Variants in SMYD3 observed in about 807,000 individuals in gnomAD.
The protein encoded by SMYD3 is SET and MYND domain containing 3, also known as histone-lysine N-methyltransferase SMYD3.
Under a neutral mutation model 57.7 loss-of-function variants are expected in SMYD3, and 36 were observed. The ratio of observed to expected loss-of-function variants is 0.62; its 90% confidence interval spans 0.48 to 0.82. The LOEUF (loss-of-function observed/expected upper bound fraction) is 0.82. Among genes scored for constraint, SMYD3 ranks in the 40% least tolerant of loss-of-function variants. SMYD3 has a pLI of 0.00. For synonymous variants in SMYD3, 211 were observed against 195.0 expected (o/e 1.08, Z -0.68); for missense variants, 515 against 538.8 (o/e 0.96, Z 0.44).
rs572069957 is a variant in SMYD3, at chr1:245,891,500, T to C, written c.813+24030A>G. Among the ~76,000 whole-genome samples the C allele has an allele frequency of 4.6e-5, 7 of 152,288 alleles. No homozygotes were observed. In the East Asian group the frequency reaches 1.4e-3, roughly 29 times the overall value. On this transcript the variant is annotated intron_variant, in intron 8 of 11. Coordinates refer to ENST00000490107, the MANE Select transcript of SMYD3 (RefSeq NM_001167740.2). ...CAGGAATCTGGGGGGAGGGGAGCAA[T>C]GACCTGGATGTGACTCTGTGCAGTG...
At chr1:245,953,356 C>A (rs1171408714) in intron 5 of SMYD3, 1 of 985,626 alleles carries the variant, frequency 1.0e-6, no homozygotes, top group Non-Finnish European at 1.2e-6. Context: ...GGATGTAACT[C>A]TGAAAAAAAT....
At chr1:246,272,939 T>C (rs1443902271) in intron 5 of SMYD3, among the ~76,000 whole-genome samples, 4 of 152,178 alleles carry the variant, frequency 2.6e-5, no homozygotes, top group African/African-American at 9.6e-5. Context: ...TGAGAGATTA[T>C]TGATTACTGA....
chr1:245,896,736 G>C (rs542906628), intron 8 of SMYD3, among the ~76,000 whole-genome samples: 1 of 152,262 alleles, frequency 6.6e-6, no homozygotes, highest in East Asian at 1.9e-4. Context: ...TCTTGTCTAG[G>C]TACACAGCCA....
At chr1:246,299,718 A>C (rs922604969) in intron 5 of SMYD3, among the ~76,000 whole-genome samples, 2 of 152,150 alleles carry the variant, frequency 1.3e-5, no homozygotes, top group Non-Finnish European at 2.9e-5. Context: ...CATTATCCTT[A>C]GTAAACTAAC....
chr1:245,804,955 T>C (rs776564534), intron 10 of SMYD3, among the ~76,000 whole-genome samples: 3 of 152,210 alleles, frequency 2.0e-5, no homozygotes, highest in Admixed American at 6.5e-5. Flanking sequence ...CAAAAGCTTA[T>C]GATGCTGGAC....
At chr1:246,181,468 C>G (rs2062550535) in intron 5 of SMYD3, among the ~76,000 whole-genome samples, 1 of 152,218 alleles carries the variant, frequency 6.6e-6, no homozygotes, top group African/African-American at 2.4e-5. Flanking sequence ...GGCAGTACAT[C>G]TGACATCCTG....
chr1:246,186,912 A>G (rs943175172), intron 5 of SMYD3: 2 of 985,380 alleles, frequency 2.0e-6, no homozygotes, highest in Non-Finnish European at 2.4e-6. Context: ...TCATTATGCA[A>G]GAGGTCTCAC....
At chr1:246,410,008 T>C (rs1375995850) in intron 1 of SMYD3, among the ~76,000 whole-genome samples, 1 of 152,208 alleles carries the variant, frequency 6.6e-6, no homozygotes, top group East Asian at 1.9e-4. Flanking sequence ...CTTGTGATTT[T>C]TGCATGTTGA....
intron 5 of SMYD3, among the ~76,000 whole-genome samples, chr1:246,005,620 G>T (rs2059154965): frequency 6.6e-6 from 1 of 152,226 alleles, no homozygotes; most frequent in Admixed American, 6.5e-5. Context: ...CCAGTTTTCT[G>T]CAGAGAGTCA....
chr1:245,930,564 C>T (rs1194459949), intron 5 of SMYD3: 1 of 163,356 alleles, frequency 6.1e-6, no homozygotes, highest in Admixed American at 6.0e-5. Flanking sequence ...AAAACACAAT[C>T]GACTGTGCTC....
intron 1 of SMYD3, among the ~76,000 whole-genome samples, chr1:246,377,492 C>T (rs1001743987): frequency 4.6e-5 from 7 of 151,802 alleles, no homozygotes. Flanking sequence ...GCCTCAGCCT[C>T]CCGAGTAGCT....
chr1:246,490,922 G>C (rs2068259281), intron 1 of SMYD3, among the ~76,000 whole-genome samples: 1 of 152,192 alleles, frequency 6.6e-6, no homozygotes, highest in Non-Finnish European at 1.5e-5. Context: ...ACTAAGTAGA[G>C]CAAGGAAAGA....
intron 5 of SMYD3, chr1:245,953,174 C>T (rs568869383): frequency 1.1e-6 from 1 of 944,446 alleles, no homozygotes; most frequent in East Asian, 1.2e-4. Flanking sequence ...AGTTAGATCT[C>T]TTTGGTCATA....
chr1:246,110,693 G>A (rs1415186030), intron 5 of SMYD3, among the ~76,000 whole-genome samples: 1 of 152,218 alleles, frequency 6.6e-6, no homozygotes, highest in Non-Finnish European at 1.5e-5. Flanking sequence ...AAAGACAACA[G>A]TGGCAAAGAG....
At chr1:246,056,106 T>G (rs1282744703) in intron 5 of SMYD3, among the ~76,000 whole-genome samples, 1 of 152,212 alleles carries the variant, frequency 6.6e-6, no homozygotes, top group African/African-American at 2.4e-5. Flanking sequence ...CTATCTTGAT[T>G]GTGACTGTGG....
intron 10 of SMYD3, among the ~76,000 whole-genome samples, chr1:245,837,190 G>C (rs1162516635): frequency 3.3e-5 from 5 of 151,430 alleles, no homozygotes; most frequent in Admixed American, 1.3e-4. Context: ...AGCCAGGCAT[G>C]GTGGGCACCT....
chr1:245,812,552 C>T (rs2048532232), intron 10 of SMYD3, among the ~76,000 whole-genome samples: 1 of 152,080 alleles, frequency 6.6e-6, no homozygotes, highest in African/African-American at 2.4e-5. Flanking sequence ...CCCGAGGAAA[C>T]CCTAAGAGAG....
chr1:245,904,439 G>A (rs931293734), intron 8 of SMYD3, among the ~76,000 whole-genome samples: 3 of 152,174 alleles, frequency 2.0e-5, no homozygotes, highest in African/African-American at 7.2e-5. Flanking sequence ...CTCATACAAG[G>A]AAGAATACAG....
chr1:246,269,908 G>A (rs12073337), intron 5 of SMYD3, among the ~76,000 whole-genome samples: 50,664 of 151,802 alleles, frequency 0.33, 9,320 homozygotes, highest in East Asian at 0.72. Flanking sequence ...TGTACATGAG[G>A]TTTACCTTCC....
Sources: gnomAD v4.1 joint callset for allele counts (sites outside exome capture counted in the v4.1 genomes callset) on GRCh38, gnomAD v4.1.1 for gene constraint, MANE v1.5 for transcripts, NCBI Gene and HGNC (gene_info 2026-07-23, HGNC 2026-07-21) for gene names.